Variants in CSF2RA observed in about 807,000 individuals in gnomAD.
The protein encoded by CSF2RA is colony stimulating factor 2 receptor subunit alpha, also known as granulocyte-macrophage colony-stimulating factor receptor subunit alpha.
In CSF2RA, 42 loss-of-function variants were observed where a neutral mutation model predicts 51.6. The observed-to-expected ratio is 0.81, with a 90% CI of 0.64 to 1.05. CSF2RA has a LOEUF of 1.05. Among genes scored for constraint, CSF2RA ranks in the 50% least tolerant of loss-of-function variants. The probability of loss-of-function intolerance (pLI) is 0.00; values close to 1 mark genes in which losing one functional copy is unlikely to be tolerated. For missense variants in CSF2RA, 530 were observed against 501.1 expected, an observed-to-expected ratio of 1.06 and a Z score of -0.55; for synonymous variants, 222 against 193.0, an observed-to-expected ratio of 1.15 and a Z score of -1.24.
At chrX:1,279,936 C>T (rs1330358699) in intron 2 of CSF2RA, among the ~76,000 whole-genome samples, 2 of 151,772 alleles carry the variant, frequency 1.3e-5, no homozygotes, top group Non-Finnish European at 2.9e-5. Flanking sequence ...ATTACAGGCA[C>T]CCACCACCCC....
chrX:1,283,458 TTCCC>T (rs1265980807), intron 3 of CSF2RA, among the ~76,000 whole-genome samples: 64 of 139,268 alleles, frequency 4.6e-4, no homozygotes, highest in African/African-American at 1.3e-3. Flanking sequence ...CTTTCCTTCC[TTCCC>T]TCCCTCCCTC....
chrX:1,303,892 A>T, intron 10 of CSF2RA, 31 bp from the exon 11 acceptor site: 1 of 1,553,330 alleles, frequency 6.4e-7, no homozygotes, highest in Non-Finnish European at 8.9e-7. Context: ...TCAACGATTC[A>T]CCGCAGACGC....
rs2089533912 is a variant in CSF2RA, at chrX:1,278,857, G to A, written c.-26-3821G>A. 1.3e-5 allele frequency among the ~76,000 whole-genome samples: 2 copies of A among 149,394 alleles called. 1 individual carries two copies. Among genetic ancestry groups the A allele is most frequent in the South Asian group, 4.2e-4 (2 of 4,728 alleles). Reference sequence around the variant, plus strand: ...GTTCGAGACCAGCCTGGCCAACATGGTGAAACCCCATCTCTACTAAAAATA... The same window carrying A: ...GTTCGAGACCAGCCTGGCCAACATGATGAAACCCCATCTCTACTAAAAATA... On this transcript the variant is annotated intron_variant, in intron 2 of 12. Coordinates refer to ENST00000381529, the MANE Select transcript of CSF2RA (RefSeq NM_172245.4).
chrX:1,295,329 A>G (rs2091838805), intron 8 of CSF2RA, 98 bp from the exon 9 acceptor site: 3 of 1,506,454 alleles, frequency 2.0e-6, no homozygotes, highest in East Asian at 2.3e-5. Context: ...ACTCCTTCCC[A>G]TTCGGTGCCC....
the CSF2RA span, among the ~76,000 whole-genome samples, chrX:1,315,778 G>C: frequency 3.0e-4 from 9 of 30,460 alleles, no homozygotes; most frequent in African/African-American, 8.2e-4. Context: ...ATAATAGATA[G>C]ATAGATAGAT....
At chrX:1,296,519 G>A (rs1476287330) in intron 9 of CSF2RA, among the ~76,000 whole-genome samples, 1 of 20,450 alleles carries the variant, frequency 4.9e-5, no homozygotes, top group East Asian at 1.3e-3. Context: ...GACCCCTGGC[G>A]GAACTGTACA....
At chrX:1,311,614 G>A (rs1188008545), downstream of CSF2RA, among the ~76,000 whole-genome samples, 6 of 151,536 alleles carry the variant, frequency 4.0e-5, no homozygotes, top group East Asian at 1.2e-3. Flanking sequence ...TTTTTGTTTT[G>A]TTTTGTGTTT....
chrX:1,314,659 CTGCACTGCACTTG>C (rs2084434966), downstream of CSF2RA, among the ~76,000 whole-genome samples: 1 of 1,378 alleles, frequency 7.3e-4, no homozygotes, highest in Non-Finnish European at 2.1e-3. Context: ...ACCTGCCCAA[CTGCACTGCACTTG>C]CCCAACCCCT....
chrX:1,285,811 A>G lies in CSF2RA; in HGVS notation c.110A>G (p.Asn37Ser). The G allele has an allele frequency of 5.0e-6, 8 of 1,613,636 alleles. No homozygotes were observed. The highest frequency in any genetic ancestry group is 6.8e-6 in the Non-Finnish European group (8 of 1,179,814). ...ACAGTGGCACCAGCCTCTAGTCTCAATGTGAGGTTTGACTCCAGGACGATG... is the reference window on the plus strand; with the variant it reads ...ACAGTGGCACCAGCCTCTAGTCTCAGTGTGAGGTTTGACTCCAGGACGATG... Reference protein sequence around the residue: ...LRTVAPASSLNVRFDSRTMNL... With the variant: ...LRTVAPASSLSVRFDSRTMNL... The change falls in exon 4 of 13, where the codon AAT becomes AGT. Residue 37 changes from asparagine (N) to serine (S), a missense_variant. Physicochemically the swap from Asn to Ser is conservative, Grantham distance 46. Transcript: ENST00000381529.
At chrX:1,285,072 A>T (rs187203613) in intron 3 of CSF2RA, among the ~76,000 whole-genome samples, 10,304 of 151,504 alleles carry the variant, frequency 0.068, 440 homozygotes, top group Admixed American at 0.096. Context: ...TTAAAAAAAA[A>T]TTTTTTTTAA....
intron 10 of CSF2RA, chrX:1,303,368 T>C (rs1212324924): frequency 7.0e-6 from 3 of 426,474 alleles, no homozygotes; most frequent in Non-Finnish European, 1.2e-5. Flanking sequence ...CCCAGGTAGA[T>C]AGGATTACAG....
intron 7 of CSF2RA, 41 bp from the exon 8 acceptor site, chrX:1,294,287 A>G (rs754742150): frequency 6.2e-7 from 1 of 1,611,908 alleles, no homozygotes; most frequent in African/African-American, 1.3e-5. Flanking sequence ...TGTAGACAGG[A>G]CCTCTCGGGT....
rs372723037 is a variant in CSF2RA at position 1,309,503 on chromosome X, A to G, written c.*24A>G. The stretch of plus-strand genomic sequence containing the variant: ...GAGACCCAGAGGGTGTAGGAATGGC[A>G]TGGACATCTCCGCCTCCGCGACACG... On this transcript the variant is annotated 3_prime_UTR_variant, in exon 13 of 13. Coordinates refer to ENST00000381529, the MANE Select transcript of CSF2RA (RefSeq NM_172245.4). 5.0e-6 allele frequency: 8 copies of G among 1,613,846 alleles called. No homozygotes were observed. The highest frequency in any genetic ancestry group is 6.8e-6 in the Non-Finnish European group (8 of 1,179,860).
At chrX:1,280,459 G>GA (rs1268094292) in intron 2 of CSF2RA, among the ~76,000 whole-genome samples, 20 of 126,118 alleles carry the variant, frequency 1.6e-4, no homozygotes, top group Non-Finnish European at 2.6e-4. Flanking sequence ...TGACAAGAGT[G>GA]AAACTCCGTC....
At chrX:1,323,759 A>C in the CSF2RA span, among the ~76,000 whole-genome samples, 634 of 152,068 alleles carry the variant, frequency 4.2e-3, 6 homozygotes, top group African/African-American at 0.014. Flanking sequence ...TCACGCCTGT[A>C]ATCCCAGCAC....
Position 1,300,520 on chromosome X carries a change from A to G in CSF2RA, c.840A>G (p.Arg280=), listed in dbSNP as rs2092297639. The change falls in exon 10 of 13, where the codon AGA becomes AGG. Residue 280 remains arginine (R), a synonymous_variant. Coordinates refer to ENST00000381529, the MANE Select transcript of CSF2RA (RefSeq NM_172245.4). ...LINVSGDLEN[R]YNFPSSEPRA... is the part of the protein sequence containing the mutation. Reference sequence around the variant, plus strand: ...ATGTTTCTGGTGATTTGGAAAATAGATACAACTTTCCAAGCTCTGAGCCCA... The same window carrying G: ...ATGTTTCTGGTGATTTGGAAAATAGGTACAACTTTCCAAGCTCTGAGCCCA... The G allele has an allele frequency of 5.6e-6, 9 of 1,613,946 alleles. No individual in the cohort carries two copies. The East Asian group carries it at 8.9e-5, about 16-fold the overall frequency.
chrX:1,301,145 TC>T (rs1487676091), intron 10 of CSF2RA, among the ~76,000 whole-genome samples: 1 of 141,788 alleles, frequency 7.1e-6, no homozygotes, highest in Non-Finnish European at 1.5e-5. Flanking sequence ...AGCGTGAGAC[TC>T]CGTCTCAAAA....
chrX:1,294,841 A>ACTG (rs2091764385), intron 8 of CSF2RA, among the ~76,000 whole-genome samples: 1 of 25,046 alleles, frequency 4.0e-5, no homozygotes, highest in Non-Finnish European at 9.6e-5. Context: ...AGGACACCCG[A>ACTG]CCCCACCTCC....
intron 7 of CSF2RA, among the ~76,000 whole-genome samples, chrX:1,291,341 C>G (rs1280618844): frequency 6.8e-6 from 1 of 146,942 alleles, no homozygotes; most frequent in African/African-American, 2.5e-5. Context: ...CTCCTTCCCT[C>G]CCTTCTTCCT....
Sources: gnomAD v4.1 joint callset for allele counts (sites outside exome capture counted in the v4.1 genomes callset) on GRCh38, gnomAD v4.1.1 for gene constraint, MANE v1.5 for transcripts, NCBI Gene and HGNC (gene_info 2026-07-23, HGNC 2026-07-21) for gene names.